The following GRM1 variants were observed in gnomAD, a reference collection of about 807,000 sequenced individuals.
GRM1 encodes metabotropic glutamate receptor 1.
In GRM1, 33 loss-of-function variants were observed where a neutral mutation model predicts 90.9. The ratio of observed to expected loss-of-function variants is 0.36; its 90% CI spans 0.28 to 0.49. The LOEUF (loss-of-function observed/expected upper bound fraction) is 0.49, where lower values mean the gene tolerates loss of function less well. Ranked by LOEUF, GRM1 falls within the 20% of genes least tolerant of loss-of-function variation. The pLI, the probability that GRM1 is intolerant of heterozygous loss-of-function variation, is 0.99. For missense variants in GRM1, 1,190 were observed against 1,534.3 expected, an observed-to-expected ratio of 0.78 and a Z score of 3.75; for synonymous variants, 700 against 613.2, an observed-to-expected ratio of 1.14 and a Z score of -2.09.
chr6:146,255,325 A>G (rs1781440558), intron 2 of GRM1, among the ~76,000 whole-genome samples: 1 of 152,212 alleles, frequency 6.6e-6, no homozygotes, highest in African/African-American at 2.4e-5. Context: ...GTCTTTCACC[A>G]AAGCATTATT....
intron 2 of GRM1, among the ~76,000 whole-genome samples, chr6:146,240,527 G>T (rs923232452): frequency 6.6e-6 from 1 of 152,088 alleles, no homozygotes; most frequent in Non-Finnish European, 1.5e-5. Flanking sequence ...AGCCTGGCAG[G>T]AAGGGAGCCA....
chr6:146,320,695 G>C (rs543928050), intron 3 of GRM1, among the ~76,000 whole-genome samples: 102 of 152,004 alleles, frequency 6.7e-4, no homozygotes, highest in African/African-American at 2.1e-3. Context: ...GTTCAGTCTT[G>C]GGAGAGTGTA....
At chr6:146,150,718 C>T (rs1777293406) in intron 1 of GRM1, among the ~76,000 whole-genome samples, 1 of 152,038 alleles carries the variant, frequency 6.6e-6, no homozygotes, top group African/African-American at 2.4e-5. Flanking sequence ...TCCCCACTAC[C>T]ACTCCCAGCC....
chr6:146,110,530 A>T (rs906543328), intron 1 of GRM1, among the ~76,000 whole-genome samples: 3 of 152,162 alleles, frequency 2.0e-5, no homozygotes, highest in African/African-American at 7.2e-5. Flanking sequence ...ACGAAAATGT[A>T]CTAATACACC....
intron 1 of GRM1, among the ~76,000 whole-genome samples, chr6:146,074,672 A>G (rs1025162547): frequency 3.9e-5 from 6 of 152,194 alleles, no homozygotes; most frequent in Non-Finnish European, 8.8e-5. Context: ...ATATTGCCCA[A>G]CAAGCCTTAT....
At chr6:146,400,674 C>T (rs1417415617) in intron 7 of GRM1, among the ~76,000 whole-genome samples, 1 of 152,184 alleles carries the variant, frequency 6.6e-6, no homozygotes, top group African/African-American at 2.4e-5. Context: ...AAAAATAGCA[C>T]GGATGCTTGA....
chr6:146,191,984 A>C (rs1193319752), intron 2 of GRM1, among the ~76,000 whole-genome samples: 1 of 152,228 alleles, frequency 6.6e-6, no homozygotes. Context: ...TGGGATAAAC[A>C]TATTGATCTA....
At chr6:146,351,473 A>G (rs149940682) in intron 3 of GRM1, among the ~76,000 whole-genome samples, 8 of 152,342 alleles carry the variant, frequency 5.3e-5, no homozygotes, top group African/African-American at 1.9e-4. Flanking sequence ...CCTGAAGTCT[A>G]GGCTTCCAAT....
At chr6:146,120,049 G>A (rs568343112) in intron 1 of GRM1, among the ~76,000 whole-genome samples, 3 of 152,086 alleles carry the variant, frequency 2.0e-5, no homozygotes, top group Admixed American at 6.6e-5. Flanking sequence ...CCATTTTCAC[G>A]ATATTGATTA....
At position 146,379,514 on chromosome 6, in the gene GRM1, C is replaced by T. The variant is rs912267252; in HGVS notation, c.1603-7376C>T. Among the ~76,000 whole-genome samples the T allele has an allele frequency of 3.9e-5, 6 of 152,244 alleles. No homozygotes were observed. The South Asian group carries it at 1.2e-3, about 32-fold the overall frequency. ...CTTGAATTTCTTTGAGTTTCCTCAA[C>T]ACAGCTATTTTGAAGTCTGTCTGAA... On this transcript the variant is annotated intron_variant, in intron 5 of 7. Coordinates refer to ENST00000282753, the MANE Select transcript of GRM1 (RefSeq NM_001278064.2).
At chr6:146,227,055 A>T (rs1160250176) in intron 2 of GRM1, among the ~76,000 whole-genome samples, 1 of 152,124 alleles carries the variant, frequency 6.6e-6, no homozygotes, top group Non-Finnish European at 1.5e-5. Context: ...TATTAATTTT[A>T]TTATATCATT....
At chr6:146,058,495 A>T (rs774075182) in intron 1 of GRM1, among the ~76,000 whole-genome samples, 13 of 152,182 alleles carry the variant, frequency 8.5e-5, no homozygotes, top group Non-Finnish European at 1.8e-4. Context: ...AGCAAATTTT[A>T]ATCTTTTTTG....
rs373421423 is a variant in GRM1, at chr6:146,245,590, A to G, written c.951-59021A>G. Among the ~76,000 whole-genome samples, 6 of 152,188 alleles carry G rather than the reference A, an allele frequency of 3.9e-5. No individual in the cohort carries two copies. In the East Asian group the frequency reaches 1.2e-3, roughly 29 times the overall value. On this transcript the variant is annotated intron_variant, in intron 2 of 7. Transcript: ENST00000282753. ...GTTGAGATAATTATAGCAAGATTAT[A>G]AAGAGTAGTTAAGTATTCAAAACCT...
At chr6:146,165,778 A>G (rs1428125141) in intron 2 of GRM1, among the ~76,000 whole-genome samples, 3 of 152,154 alleles carry the variant, frequency 2.0e-5, no homozygotes, top group African/African-American at 7.2e-5. Flanking sequence ...GAGAATAAAT[A>G]TTATTTGTAA....
At chr6:146,358,177 A>AT (rs1280052056) in intron 5 of GRM1, among the ~76,000 whole-genome samples, 6 of 152,172 alleles carry the variant, frequency 3.9e-5, no homozygotes, top group South Asian at 2.1e-4. Context: ...TGAAACTGGC[A>AT]TTTTTTTCTA....
chr6:146,416,236 A>T (rs116189373), intron 7 of GRM1, among the ~76,000 whole-genome samples: 1,953 of 152,196 alleles, frequency 0.013, 46 homozygotes, highest in African/African-American at 0.045. Flanking sequence ...TAATTATATC[A>T]ACCACTTAAT....
chr6:146,109,276 C>T (rs895371176), intron 1 of GRM1, among the ~76,000 whole-genome samples: 9 of 152,160 alleles, frequency 5.9e-5, no homozygotes, highest in African/African-American at 1.4e-4. Context: ...GGCTCAGGGT[C>T]CCCATGCTGA....
At chr6:146,316,207 C>T (rs936484374) in intron 3 of GRM1, among the ~76,000 whole-genome samples, 3 of 152,174 alleles carry the variant, frequency 2.0e-5, no homozygotes, top group African/African-American at 7.2e-5. Flanking sequence ...TGTCTTGGCT[C>T]ATGGCCCCCT....
At chr6:146,098,011 C>A (rs1209064925) in intron 1 of GRM1, among the ~76,000 whole-genome samples, 1 of 152,048 alleles carries the variant, frequency 6.6e-6, no homozygotes, top group East Asian at 1.9e-4. Context: ...TGTTACAATT[C>A]TTATTATGGT....
Sources: gnomAD v4.1 joint callset for allele counts (sites outside exome capture counted in the v4.1 genomes callset) on GRCh38, gnomAD v4.1.1 for gene constraint, MANE v1.5 for transcripts, NCBI Gene and HGNC (gene_info 2026-07-23, HGNC 2026-07-21) for gene names.